Variants in RIGI observed in about 807,000 individuals in gnomAD.
The protein encoded by RIGI is antiviral innate immune response receptor RIG-I.
the RIGI span, chr9:32,498,268 G>A: frequency 2.2e-6 from 1 of 456,656 alleles, no homozygotes; most frequent in Non-Finnish European, 4.4e-6. Context: ...TGCTAACACT[G>A]CCAGTTTTTG....
the RIGI span, chr9:32,488,672 C>A: frequency 6.9e-7 from 1 of 1,442,304 alleles, no homozygotes; most frequent in Non-Finnish European, 9.2e-7. Flanking sequence ...AAAAACAAAA[C>A]AGAAAACACA....
chr9:32,475,462 T>C, the RIGI span, among the ~76,000 whole-genome samples: 7 of 152,162 alleles, frequency 4.6e-5, no homozygotes, highest in Admixed American at 4.6e-4. Flanking sequence ...GGTGTATGTA[T>C]GGATCAATAA....
At chr9:32,512,520 C>T in the RIGI span, among the ~76,000 whole-genome samples, 20 of 152,160 alleles carry the variant, frequency 1.3e-4, no homozygotes, top group Admixed American at 3.3e-4. Context: ...ATTCAACAGC[C>T]CTTCATGCTA....
chr9:32,472,631 G>A, the RIGI span, among the ~76,000 whole-genome samples: 1 of 152,186 alleles, frequency 6.6e-6, no homozygotes, highest in African/African-American at 2.4e-5. Flanking sequence ...TGTCTGGGGG[G>A]TTCCAGTCTG....
chr9:32,479,758 A>C, the RIGI span, among the ~76,000 whole-genome samples: 1 of 151,710 alleles, frequency 6.6e-6, no homozygotes, highest in African/African-American at 2.4e-5. Flanking sequence ...AATTGCCTGA[A>C]TCCGGGAGGC....
At chr9:32,487,437 GAATCTCAA>G in the RIGI span, 3 of 1,606,656 alleles carry the variant, frequency 1.9e-6, no homozygotes, top group Non-Finnish European at 2.6e-6. Context: ...GAGAGTAACA[GAATCTCAA>G]AGGCTTGTTA....
At chr9:32,496,252 T>C in the RIGI span, among the ~76,000 whole-genome samples, 1 of 152,226 alleles carries the variant, frequency 6.6e-6, no homozygotes, top group Non-Finnish European at 1.5e-5. Context: ...GCATTTTGAT[T>C]TGATTTTGTA....
the RIGI span, among the ~76,000 whole-genome samples, chr9:32,467,121 G>A: frequency 6.6e-6 from 1 of 152,168 alleles, no homozygotes; most frequent in African/African-American, 2.4e-5. Flanking sequence ...AGCAGTATCT[G>A]AGCAGTTCCG....
chr9:32,512,807 A>G, the RIGI span, among the ~76,000 whole-genome samples: 1 of 152,144 alleles, frequency 6.6e-6, no homozygotes, highest in African/African-American at 2.4e-5. Context: ...ACATGATTGT[A>G]TATCTAGAAA....
the RIGI span, among the ~76,000 whole-genome samples, chr9:32,476,437 T>G: frequency 1.3e-5 from 2 of 151,904 alleles, no homozygotes; most frequent in Admixed American, 1.3e-4. Flanking sequence ...TTTGAGAGGT[T>G]GAGGGTGCAG....
the RIGI span, among the ~76,000 whole-genome samples, chr9:32,464,257 C>G: frequency 2.0e-5 from 3 of 151,132 alleles, no homozygotes; most frequent in Non-Finnish European, 2.9e-5. Context: ...ATACAGGGAC[C>G]AGGATGCTCA....
chr9:32,471,049 G>A, the RIGI span, among the ~76,000 whole-genome samples: 3 of 152,218 alleles, frequency 2.0e-5, no homozygotes, highest in Admixed American at 6.5e-5. Flanking sequence ...CTTGAGGCCA[G>A]GAGTTCAAGA....
chr9:32,492,466 T>C, the RIGI span: 3 of 1,614,210 alleles, frequency 1.9e-6, no homozygotes, highest in Admixed American at 5.0e-5. Flanking sequence ...TTGGGCCAGT[T>C]TTCCTTGTCT....
chr9:32,491,195 T>C, the RIGI span: 1 of 1,323,954 alleles, frequency 7.6e-7, no homozygotes, highest in Non-Finnish European at 1.0e-6. Flanking sequence ...TTAATTTTCC[T>C]TACAAAACTT....
At chr9:32,485,958 A>G in the RIGI span, among the ~76,000 whole-genome samples, 4 of 151,944 alleles carry the variant, frequency 2.6e-5, no homozygotes, top group African/African-American at 9.7e-5. Flanking sequence ...CTCCCTCCCC[A>G]CACAGCTCCC....
the RIGI span, among the ~76,000 whole-genome samples, chr9:32,524,967 C>A: frequency 6.6e-6 from 1 of 152,122 alleles, no homozygotes; most frequent in Non-Finnish European, 1.5e-5. Context: ...AATGCAGCAC[C>A]TGGGCAAACT....
chr9:32,480,404 C>A, the RIGI span: 2 of 1,502,354 alleles, frequency 1.3e-6, no homozygotes, highest in Admixed American at 1.8e-5. Flanking sequence ...CTAACACATT[C>A]ACTGTATTTA....
the RIGI span, among the ~76,000 whole-genome samples, chr9:32,518,492 TTG>T: frequency 2.6e-4 from 39 of 152,222 alleles, no homozygotes; most frequent in East Asian, 7.1e-3. Context: ...TCCTATTTCT[TTG>T]TGTGTCTACC....
At chr9:32,473,029 T>A in the RIGI span, 1 of 1,611,266 alleles carries the variant, frequency 6.2e-7, no homozygotes, top group African/African-American at 1.3e-5. Context: ...TTTAGAAAAC[T>A]GAGTTTAGGA....
Sources: allele counts gnomAD v4.1 joint callset (sites outside exome capture counted in the v4.1 genomes callset), GRCh38; gene constraint gnomAD v4.1.1; transcripts MANE v1.5; gene names NCBI Gene and HGNC (gene_info 2026-07-23, HGNC 2026-07-21).